Variants in EMB observed in about 807,000 individuals in gnomAD.
EMB encodes embigin.
A neutral mutation model predicts 41.4 loss-of-function variants in EMB; 31 were observed. The observed-to-expected ratio is 0.75, with a 90% CI of 0.56 to 1.01. EMB has a LOEUF of 1.01. Ranked by LOEUF, EMB falls within the 50% of genes least tolerant of loss-of-function variation. The pLI is 0.00. For missense variants in EMB, 379 were observed against 388.3 expected, an observed-to-expected ratio of 0.98 and a Z score of 0.20; for synonymous variants, 137 against 140.4, an observed-to-expected ratio of 0.98 and a Z score of 0.17.
rs1032066939 is a variant in EMB at position 50,422,065 on chromosome 5, T to A, written c.196+6079A>T. 8.6e-4 allele frequency among the ~76,000 whole-genome samples: 131 copies of A among 151,884 alleles called. 1 individual carries two copies. The highest frequency in any genetic ancestry group is 6.8e-3 in the Middle Eastern group (2 of 292). The stretch of plus-strand genomic sequence containing the variant: ...TATAATTAAAAAAAAGAAGTGCATG[T>A]GAAAGAAAGTCCAAGAAAGAAAATC... On this transcript the variant is annotated intron_variant, in intron 2 of 8. Coordinates refer to ENST00000303221, the MANE Select transcript of EMB (RefSeq NM_198449.3).
chr5:50,406,439 C>T (rs1305818875), intron 4 of EMB, among the ~76,000 whole-genome samples: 1 of 151,216 alleles, frequency 6.6e-6, no homozygotes, highest in African/African-American at 2.4e-5. Context: ...CACTAATATC[C>T]ATTATGATAA....
chr5:50,440,533 CAAAAAAAAA>C (rs70972912), intron 1 of EMB, among the ~76,000 whole-genome samples: 152 of 60,054 alleles, frequency 2.5e-3, no homozygotes, highest in Middle Eastern at 0.011. Flanking sequence ...AACTCCGTCT[CAAAAAAAAA>C]AAAAAAAAAA....
At chr5:50,434,202 TA>T (rs532789263) in intron 1 of EMB, among the ~76,000 whole-genome samples, 82 of 152,324 alleles carry the variant, frequency 5.4e-4, no homozygotes, top group Middle Eastern at 3.4e-3. Context: ...GGGATACTGC[TA>T]AACATTTTAG....
chr5:50,425,634 G>GA (rs1458614620), intron 2 of EMB, among the ~76,000 whole-genome samples: 4 of 151,880 alleles, frequency 2.6e-5, no homozygotes, highest in African/African-American at 4.8e-5. Flanking sequence ...TCTGAGAGCA[G>GA]AAAAAATACT....
chr5:50,417,374 T>C (rs1450897126), intron 2 of EMB, among the ~76,000 whole-genome samples: 1 of 152,242 alleles, frequency 6.6e-6, no homozygotes, highest in Non-Finnish European at 1.5e-5. Context: ...ATATCCAAAA[T>C]TTATAAAACA....
chr5:50,441,178 C>T lies in EMB; in HGVS notation c.-27G>A, dbSNP rs1319077850. Reference sequence around the variant, plus strand: ...GCGCCAGAGGGTCCGCCTGGGTCCTCGTGGAGACTGCTCCCTCAGCTCGCC... The same window carrying T: ...GCGCCAGAGGGTCCGCCTGGGTCCTTGTGGAGACTGCTCCCTCAGCTCGCC... On this transcript the variant is annotated 5_prime_UTR_variant, in exon 1 of 9. Coordinates refer to ENST00000303221, the MANE Select transcript of EMB (RefSeq NM_198449.3). The T allele has an allele frequency of 7.4e-7, 1 of 1,354,432 alleles. No homozygotes were observed. Among genetic ancestry groups the T allele is most frequent in the Admixed American group, 2.7e-5 (1 of 36,580 alleles). 83.9% of individuals were successfully genotyped at this position (1,354,432 alleles called of 1,614,324 possible). A position where few individuals can be genotyped will look rare whatever the true frequency, so the allele number is the denominator to read the frequency against.
At position 50,405,945 on chromosome 5, in the gene EMB, A is replaced by G. The variant is rs144674645; in HGVS notation, c.473-93T>C. ...AAATATTGTCTCCTTTCATTTTTTC[A>G]TTACATTATTTTAAGTACTTTCAGT... On this transcript the variant is annotated intron_variant, in intron 4 of 8. Transcript: ENST00000303221. The G allele has an allele frequency of 1.0e-3, 1,462 of 1,442,940 alleles. 13 individuals are homozygous for G. The African/African-American group carries it at 0.019, about 19-fold the overall frequency. The allele number at this position is 1,442,940 out of a possible 1,614,324, so 89.4% of individuals were successfully genotyped here. A position where few individuals can be genotyped will look rare whatever the true frequency, so the allele number is the denominator to read the frequency against.
chr5:50,417,306 T>C (rs1298582763), intron 2 of EMB, among the ~76,000 whole-genome samples: 1 of 152,206 alleles, frequency 6.6e-6, no homozygotes, highest in African/African-American at 2.4e-5. Context: ...ATCATTAATG[T>C]TGTGCGTCTT....
chr5:50,399,255 C>T lies in EMB; in HGVS notation c.*18G>A, dbSNP rs371398269. The T allele has an allele frequency of 1.2e-5, 20 of 1,607,750 alleles. No homozygotes were observed. The highest frequency in any genetic ancestry group is 4.0e-5 in the African/African-American group (3 of 74,644). On this transcript the variant is annotated 3_prime_UTR_variant, in exon 9 of 9. Transcript: ENST00000303221. The stretch of plus-strand genomic sequence containing the variant: ...ACTCTGTATATCTTCCAATGATTCT[C>T]GACATGATGTTTTGTATTCACTGGC...
In EMB at chr5:50,397,902, T is replaced by C. The variant is rs1346902349; in HGVS notation, c.*1371A>G. The C allele has an allele frequency of 2.0e-5, 3 of 152,052 alleles. No homozygotes were observed. The highest frequency in any genetic ancestry group is 1.9e-4 in the East Asian group (1 of 5,186). The allele number at this position is 152,052 out of a possible 1,614,324, so 9.4% of individuals were successfully genotyped here. On this transcript the variant is annotated 3_prime_UTR_variant, in exon 9 of 9. Transcript: ENST00000303221. ...CCAAGTCACTACCTTATGTGTATTA[T>C]TCATACTAGTAATATTGGTAAACAT...
At chr5:50,439,597 G>T (rs1163711584) in intron 1 of EMB, among the ~76,000 whole-genome samples, 1 of 151,742 alleles carries the variant, frequency 6.6e-6, no homozygotes, top group Non-Finnish European at 1.5e-5. Flanking sequence ...AAAGTGCTGG[G>T]ATTACAGGCC....
intron 1 of EMB, among the ~76,000 whole-genome samples, chr5:50,435,947 C>A (rs1745796373): frequency 6.6e-6 from 1 of 152,082 alleles, no homozygotes; most frequent in Non-Finnish European, 1.5e-5. Context: ...ATCCTTTGAG[C>A]ACTCCATTGC....
intron 6 of EMB, 89 bp downstream of exon 6, chr5:50,403,089 A>G: frequency 1.6e-6 from 2 of 1,243,058 alleles, no homozygotes; most frequent in Non-Finnish European, 2.2e-6. Context: ...AATGTATCAA[A>G]TCATAATCCA....
chr5:50,430,882 G>A (rs1468239913), intron 1 of EMB, among the ~76,000 whole-genome samples: 1 of 152,148 alleles, frequency 6.6e-6, no homozygotes, highest in Non-Finnish European at 1.5e-5. Context: ...ACAGGGACCT[G>A]TGTTAGAACA....
At chr5:50,399,654 T>G (rs1164077273) in intron 8 of EMB, among the ~76,000 whole-genome samples, 3 of 152,036 alleles carry the variant, frequency 2.0e-5, no homozygotes, top group Non-Finnish European at 4.4e-5. Flanking sequence ...CTAGATTAGT[T>G]GCTATGTGCC....
intron 2 of EMB, among the ~76,000 whole-genome samples, chr5:50,427,267 G>A (rs978384637): frequency 2.6e-5 from 4 of 151,832 alleles, no homozygotes; most frequent in African/African-American, 7.3e-5. Context: ...GATTCATCTC[G>A]ATATTTTTAT....
At chr5:50,441,957 A>G (rs138936758), upstream of EMB, among the ~76,000 whole-genome samples, 2 of 152,284 alleles carry the variant, frequency 1.3e-5, no homozygotes, top group Non-Finnish European at 2.9e-5. Flanking sequence ...CTTTAAGATA[A>G]TGCTCTTACC....
intron 2 of EMB, among the ~76,000 whole-genome samples, chr5:50,421,992 A>G (rs1745532317): frequency 6.6e-6 from 1 of 152,016 alleles, no homozygotes; most frequent in Admixed American, 6.5e-5. Context: ...ACATGTATAC[A>G]TATGTAACAA....
intron 2 of EMB, among the ~76,000 whole-genome samples, chr5:50,427,914 T>G (rs1745646546): frequency 6.6e-6 from 1 of 152,200 alleles, no homozygotes; most frequent in Non-Finnish European, 1.5e-5. Flanking sequence ...GTATCCATTT[T>G]CTGGGGAGCC....
Sources: allele counts gnomAD v4.1 joint callset (sites outside exome capture counted in the v4.1 genomes callset), GRCh38; gene constraint gnomAD v4.1.1; transcripts MANE v1.5; gene names NCBI Gene and HGNC (gene_info 2026-07-23, HGNC 2026-07-21).